FBN2: variants seen among roughly 807,000 people sequenced by gnomAD.
The protein encoded by FBN2 is fibrillin-2.
Under a neutral mutation model 355.6 loss-of-function variants are expected in FBN2, and 105 were observed. That is an observed-to-expected ratio of 0.30 (90% CI 0.25 to 0.35). The LOEUF is 0.35. FBN2 is among the 10% of genes least tolerant of loss of function. FBN2 has a pLI of 1.00. For missense variants in FBN2, 3,280 were observed against 3,758.7 expected, an observed-to-expected ratio of 0.87 and a Z score of 3.33; for synonymous variants, 1,350 against 1,301.2, an observed-to-expected ratio of 1.04 and a Z score of -0.81.
intron 41 of FBN2, among the ~76,000 whole-genome samples, chr5:128,307,565 A>C (rs1749918507): frequency 6.6e-6 from 1 of 152,096 alleles, no homozygotes; most frequent in African/African-American, 2.4e-5. Flanking sequence ...AGAGAAGTAC[A>C]AATTGAAAAA....
intron 46 of FBN2, among the ~76,000 whole-genome samples, chr5:128,302,261 C>A (rs1177114954): frequency 6.6e-6 from 1 of 152,134 alleles, no homozygotes; most frequent in Admixed American, 6.5e-5. Flanking sequence ...CAGGGCCATG[C>A]GAATTACAAC....
chr5:128,294,376 TGG>T (rs1461139757), intron 48 of FBN2, among the ~76,000 whole-genome samples: 1 of 152,146 alleles, frequency 6.6e-6, no homozygotes, highest in Admixed American at 6.5e-5. Context: ...CTGGGTCAAA[TGG>T]TACTTCTAGT....
At chr5:128,426,747 T>C (rs1183213530) in intron 7 of FBN2, among the ~76,000 whole-genome samples, 1 of 152,208 alleles carries the variant, frequency 6.6e-6, no homozygotes, top group Non-Finnish European at 1.5e-5. Context: ...TCCAGTCCTT[T>C]CTTTCTAGCT....
intron 5 of FBN2, among the ~76,000 whole-genome samples, chr5:128,494,414 G>A (rs1755594820): frequency 6.6e-6 from 1 of 152,144 alleles, no homozygotes. Context: ...TTAGTTTAGA[G>A]AAAGAGACAG....
intron 38 of FBN2, among the ~76,000 whole-genome samples, chr5:128,311,656 G>C (rs1262363171): frequency 6.6e-6 from 1 of 152,208 alleles, no homozygotes. Context: ...ATTCAAGGTA[G>C]AGGACAATGG....
rs2126809547 is a variant in FBN2 at position 128,278,721 on chromosome 5, T to G, written c.7259A>C (p.His2420Pro). 1.2e-6 allele frequency: 2 copies of G among 1,614,190 alleles called. No individual in the cohort carries two copies. The stretch of plus-strand genomic sequence containing the variant: ...AGGAAGTGGGCAAAGCTCGCACTGG[T>G]GGCCCCAGCCTCGCCCACCATCACA... ...CCCDGGRGWG[H>P]QCELCPLPGT... is the part of the protein sequence containing the mutation. Residue 2420 changes from histidine to proline, a missense_variant, in exon 57 of 65, where the codon CAC (histidine) becomes CCC (proline). Around this residue, in one of 6 missense-constraint regions of FBN2, gnomAD observed 2,284 missense variants for 2,749.5 expected, o/e 0.83. Coordinates refer to ENST00000262464, the MANE Select transcript of FBN2 (RefSeq NM_001999.4).
chr5:128,378,686 T>C, intron 12 of FBN2, 85 bp downstream of exon 12: 1 of 1,406,728 alleles, frequency 7.1e-7, no homozygotes, highest in Admixed American at 1.7e-5. Flanking sequence ...TTATTCCATG[T>C]TTTAATAAAT....
At chr5:128,474,628 G>A (rs915349346) in intron 5 of FBN2, among the ~76,000 whole-genome samples, 3 of 152,190 alleles carry the variant, frequency 2.0e-5, no homozygotes, top group East Asian at 1.9e-4. Flanking sequence ...ATTCCATGTA[G>A]TATTTTCCTA....
chr5:128,311,223 T>C (rs531254297), intron 39 of FBN2, 77 bp downstream of exon 39: 2 of 1,487,298 alleles, frequency 1.3e-6, no homozygotes, highest in East Asian at 2.3e-5. Context: ...AATGTGAGGA[T>C]GGGCCTTTCC....
At chr5:128,400,918 G>A (rs979376057) in intron 8 of FBN2, among the ~76,000 whole-genome samples, 7 of 152,162 alleles carry the variant, frequency 4.6e-5, no homozygotes, top group East Asian at 1.9e-4. Flanking sequence ...AATGGGGGCC[G>A]GTCTTTCCCA....
intron 3 of FBN2, among the ~76,000 whole-genome samples, chr5:128,528,188 C>T (rs1756614532): frequency 6.6e-6 from 1 of 152,078 alleles, no homozygotes; most frequent in South Asian, 2.1e-4. Context: ...ATTGAAAACA[C>T]TTCCAATGTT....
At chr5:128,343,723 T>A (rs970876418) in intron 25 of FBN2, among the ~76,000 whole-genome samples, 2 of 152,334 alleles carry the variant, frequency 1.3e-5, no homozygotes, top group Non-Finnish European at 2.9e-5. Flanking sequence ...AACTTCTATA[T>A]CACAAACCTT....
At chr5:128,400,456 A>G (rs1561437955) in intron 8 of FBN2, among the ~76,000 whole-genome samples, 2 of 152,154 alleles carry the variant, frequency 1.3e-5, no homozygotes, top group Admixed American at 6.5e-5. Flanking sequence ...TTTTTCAGTA[A>G]TAGATATAGT....
At chr5:128,371,840 T>C (rs1751953966) in intron 15 of FBN2, among the ~76,000 whole-genome samples, 1 of 152,154 alleles carries the variant, frequency 6.6e-6, no homozygotes, top group Admixed American at 6.5e-5. Context: ...TCCCCTTTTC[T>C]TTCTTAAAAA....
In FBN2 at chr5:128,537,457, G is replaced by T. The variant is rs1194404343; in HGVS notation, c.147C>A (p.Ser49=). 8 of 1,606,626 alleles carry T rather than the reference G, an allele frequency of 5.0e-6. No individual in the cohort carries two copies. In the Middle Eastern group the frequency reaches 4.9e-4, roughly 99 times the overall value. ...ACCCGCCTTCAGAGCCTGCTGTAGC[G>T]GACCGAACCTGTTGCGGCGGCGGCT... The part of the protein sequence containing the change: ...RPQPPPQQVR[S]ATAGSEGGFL... Residue 49 remains serine (S), a synonymous_variant, in exon 1 of 65, where the codon TCC becomes TCA. Coordinates refer to ENST00000262464, the MANE Select transcript of FBN2 (RefSeq NM_001999.4).
At position 128,335,564 on chromosome 5, in the gene FBN2, A is replaced by G; in HGVS notation, c.3738T>C (p.Cys1246=). ...DRQGCTDIDE[C]MIMNGGCDTQ... ...TGTCACAGCCTCCGTTCATTATCAT[A>G]CATTCATCAATATCTGTGAAAACAG... The change falls in exon 29 of 65, where the codon TGT becomes TGC. Residue 1246 remains cysteine (C), a synonymous_variant. Transcript: ENST00000262464. 6.2e-7 allele frequency: 1 copy of G among 1,614,152 alleles called. No homozygotes were observed. The highest frequency in any genetic ancestry group is 8.5e-7 in the Non-Finnish European group (1 of 1,179,980).
chr5:128,477,432 G>T (rs1299230848), intron 5 of FBN2, among the ~76,000 whole-genome samples: 1 of 152,048 alleles, frequency 6.6e-6, no homozygotes, highest in Non-Finnish European at 1.5e-5. Flanking sequence ...AAGGCATCCT[G>T]GAATTACGAG....
At chr5:128,307,718 CA>C (rs1749923113) in intron 41 of FBN2, among the ~76,000 whole-genome samples, 1 of 149,296 alleles carries the variant, frequency 6.7e-6, no homozygotes, top group Non-Finnish European at 1.5e-5. Context: ...TTTGAGTCAT[CA>C]AAAACAATGC....
In FBN2 at chr5:128,537,925, G is replaced by GGC. The variant is rs1259198588; in HGVS notation, c.-323_-322insGC. 1 of 418,458 alleles carries GGC rather than the reference G, an allele frequency of 2.4e-6. No homozygotes were observed. The highest frequency in any genetic ancestry group is 4.2e-5 in the Admixed American group (1 of 23,688). 25.9% of individuals were successfully genotyped at this position (418,458 alleles called of 1,614,324 possible). ...ACTCCAGGACCGTCAGCGGGCGGGG[G>GGC]AGGAAATTACAAAAGCCCTGGCGTA... On this transcript the variant is annotated 5_prime_UTR_variant, in exon 1 of 65. Coordinates refer to ENST00000262464, the MANE Select transcript of FBN2 (RefSeq NM_001999.4).
Sources: gnomAD v4.1 joint callset for allele counts (sites outside exome capture counted in the v4.1 genomes callset) on GRCh38, gnomAD v4.1.1 for gene constraint, gnomAD v4.1.1 regional missense constraint, MANE v1.5 for transcripts, NCBI Gene and HGNC (gene_info 2026-07-23, HGNC 2026-07-21) for gene names.